SDHA: variants seen among roughly 807,000 people sequenced by gnomAD.
SDHA encodes the protein succinate dehydrogenase [ubiquinone] flavoprotein subunit, mitochondrial.
In SDHA, 48 loss-of-function variants were observed where a neutral mutation model predicts 78.4. That is an observed-to-expected ratio of 0.61 (90% CI 0.49 to 0.78). The LOEUF (loss-of-function observed/expected upper bound fraction) is 0.78, where lower values mean the gene tolerates loss of function less well. Among genes scored for constraint, SDHA ranks in the 30% least tolerant of loss-of-function variants. The probability of loss-of-function intolerance (pLI) is 0.00; values close to 1 mark genes in which losing one functional copy is unlikely to be tolerated. For synonymous variants in SDHA, 326 were observed against 353.9 expected (o/e 0.92, Z 0.88); for missense variants, 680 against 892.7 (o/e 0.76, Z 3.04).
At chr5:227,401 A>G (rs1735098194) in intron 5 of SDHA, among the ~76,000 whole-genome samples, 1 of 152,254 alleles carries the variant, frequency 6.6e-6, no homozygotes, top group Non-Finnish European at 1.5e-5. Context: ...GGCATGGCCA[A>G]ATAATATTCT....
At chr5:262,891 A>T in the SDHA span, among the ~76,000 whole-genome samples, 1 of 152,194 alleles carries the variant, frequency 6.6e-6, no homozygotes, top group South Asian at 2.1e-4. Flanking sequence ...TGTTCCTTAA[A>T]GTGTATTTTT....
At chr5:255,579 T>C (rs1282638366) in intron 14 of SDHA, among the ~76,000 whole-genome samples, 5 of 151,924 alleles carry the variant, frequency 3.3e-5, no homozygotes, top group Admixed American at 2.6e-4. Context: ...CCACCTCAGC[T>C]TCCTGGGCAC....
chr5:220,335 C>G (rs1278930371), intron 1 of SDHA: 1 of 443,450 alleles, frequency 2.3e-6, no homozygotes, highest in East Asian at 7.0e-5. Context: ...CTGCTTACTT[C>G]AGGTGAAGTT....
At chr5:223,886 G>A (rs375969444) in intron 2 of SDHA, among the ~76,000 whole-genome samples, 4 of 152,082 alleles carry the variant, frequency 2.6e-5, no homozygotes, top group African/African-American at 9.7e-5. Context: ...AAAATAGGAC[G>A]GTGGGGCCAG....
At chr5:255,989 CG>C (rs1346959044) in intron 14 of SDHA, among the ~76,000 whole-genome samples, 1 of 152,178 alleles carries the variant, frequency 6.6e-6, no homozygotes, top group Admixed American at 6.5e-5. Flanking sequence ...CATCCCTAAT[CG>C]GAAGATCTGA....
chr5:235,515 A>G, intron 9 of SDHA, 176 bp downstream of exon 9: 1 of 692,766 alleles, frequency 1.4e-6, no homozygotes, highest in Non-Finnish European at 2.6e-6. Flanking sequence ...AGGGGGCTTA[A>G]TAATTTATTC....
At chr5:263,680 G>T in the SDHA span, among the ~76,000 whole-genome samples, 1 of 152,232 alleles carries the variant, frequency 6.6e-6, no homozygotes, top group Admixed American at 6.5e-5. Flanking sequence ...TTTCTCACCT[G>T]TGTGATTGGT....
intron 6 of SDHA, among the ~76,000 whole-genome samples, chr5:230,198 T>TAC (rs148241393): frequency 0.24 from 36,466 of 152,032 alleles, 6,807 homozygotes; most frequent in African/African-American, 0.52. Context: ...CATAAATATA[T>TAC]AGTTTTTTTT....
In SDHA at chr5:225,534, C is replaced by G. The variant is rs200675907; in HGVS notation, c.428C>G (p.Thr143Arg). The G allele has an allele frequency of 6.2e-7, 1 of 1,613,772 alleles. No individual in the cohort carries two copies. The highest frequency in any genetic ancestry group is 1.1e-5 in the South Asian group (1 of 91,050). The change falls in exon 4 of 15, where the codon ACG (threonine) becomes AGG (arginine). Residue 143 changes from threonine to arginine, a missense_variant. By Grantham distance (71) the Thr-to-Arg change is moderately conservative. Transcript: ENST00000264932. ...LGDQDAIHYM[T>R]EQAPAAVVEL... ...GACCAGGATGCCATCCACTACATGACGGAGCAGGCCCCCGCCGCCGTGGTC... is the reference window on the plus strand; with the variant it reads ...GACCAGGATGCCATCCACTACATGAGGGAGCAGGCCCCCGCCGCCGTGGTC...
chr5:227,305 C>T (rs560521199), intron 5 of SDHA, among the ~76,000 whole-genome samples: 3 of 152,200 alleles, frequency 2.0e-5, no homozygotes, highest in Non-Finnish European at 2.9e-5. Flanking sequence ...CCACCGCACC[C>T]GGCCATGGAT....
downstream of SDHA, among the ~76,000 whole-genome samples, chr5:257,578 C>T (rs1308362471): frequency 7.7e-6 from 1 of 129,044 alleles, no homozygotes; most frequent in Admixed American, 7.6e-5. Context: ...GTGAGCTCCG[C>T]CCCTGCCAGA....
intron 1 of SDHA, among the ~76,000 whole-genome samples, chr5:218,620 TTAG>T (rs1465781653): frequency 3.3e-5 from 5 of 152,108 alleles, no homozygotes; most frequent in African/African-American, 1.2e-4. Context: ...AGCTCGGTCC[TTAG>T]TAGATAGTCC....
chr5:244,555 C>T (rs948253557), intron 11 of SDHA, among the ~76,000 whole-genome samples: 2 of 152,128 alleles, frequency 1.3e-5, no homozygotes, highest in Non-Finnish European at 2.9e-5. Context: ...AATCAAATTA[C>T]TGATAAACGT....
chr5:244,990 A>G (rs528263332), intron 11 of SDHA, among the ~76,000 whole-genome samples: 1 of 152,270 alleles, frequency 6.6e-6, no homozygotes, highest in Admixed American at 6.5e-5. Context: ...AAGGTTTAGG[A>G]TATTATTTTT....
rs1457666982 is a variant in SDHA, at chr5:233,504, C to T, written c.923C>T (p.Thr308Met). The T allele has an allele frequency of 2.0e-5, 32 of 1,613,998 alleles. No homozygotes were observed. The highest frequency in any genetic ancestry group is 2.5e-5 in the Non-Finnish European group (30 of 1,180,012). The change falls in exon 8 of 15, where the codon ACG becomes ATG. Residue 308 changes from threonine (T) to methionine (M), a missense_variant. By Grantham distance (81) the Thr-to-Met change is moderately conservative. Coordinates refer to ENST00000264932, the MANE Select transcript of SDHA (RefSeq NM_004168.4). Reference protein sequence around the residue: ...TGIYGAGCLITEGCRGEGGIL... With the variant: ...TGIYGAGCLIMEGCRGEGGIL... ...ATATATGGTGCTGGTTGTCTCATTACGGAAGGATGTCGTGGAGAGGGAGGC... is the reference window on the plus strand; with the variant it reads ...ATATATGGTGCTGGTTGTCTCATTATGGAAGGATGTCGTGGAGAGGGAGGC...
At chr5:225,639 T>C (rs954767622) in intron 4 of SDHA, 77 bp downstream of exon 4, 4 of 1,601,924 alleles carry the variant, frequency 2.5e-6, no homozygotes, top group Admixed American at 3.3e-5. Context: ...ATGTAAGCAA[T>C]TGAGGCGGAT....
chr5:243,490 G>T (rs1736264128), intron 11 of SDHA, among the ~76,000 whole-genome samples: 1 of 152,184 alleles, frequency 6.6e-6, no homozygotes, highest in African/African-American at 2.4e-5. Context: ...CAGCTGGGCT[G>T]GTTTAGATGC....
intron 11 of SDHA, among the ~76,000 whole-genome samples, chr5:243,932 A>G (rs1285279086): frequency 6.6e-6 from 1 of 152,188 alleles, no homozygotes; most frequent in Non-Finnish European, 1.5e-5. Flanking sequence ...GGTCATACTA[A>G]AAAAGAATGT....
the SDHA span, among the ~76,000 whole-genome samples, chr5:263,850 G>T: frequency 7.3e-6 from 1 of 136,246 alleles, no homozygotes; most frequent in Admixed American, 7.1e-5. Context: ...AGCAATTCTA[G>T]ACTGCCTCAA....
Sources: allele counts gnomAD v4.1 joint callset (sites outside exome capture counted in the v4.1 genomes callset), GRCh38; gene constraint gnomAD v4.1.1; transcripts MANE v1.5; gene names NCBI Gene and HGNC (gene_info 2026-07-23, HGNC 2026-07-21).